Variants in INVS observed in about 807,000 individuals in gnomAD.
INVS encodes the protein inversin.
A neutral mutation model predicts 108.8 loss-of-function variants in INVS; 86 were observed. The ratio of observed to expected loss-of-function variants is 0.79; its 90% confidence interval spans 0.66 to 0.95. The LOEUF is 0.95. Among genes scored for constraint, INVS ranks in the 40% least tolerant of loss-of-function variants. INVS has a pLI of 0.00. For missense variants in INVS, 1,169 were observed against 1,297.4 expected, an observed-to-expected ratio of 0.90 and a Z score of 1.52; for synonymous variants, 455 against 473.5, an observed-to-expected ratio of 0.96 and a Z score of 0.51.
chr9:100,105,993 C>G (rs1479042203), intron 2 of INVS, among the ~76,000 whole-genome samples: 1 of 150,864 alleles, frequency 6.6e-6, no homozygotes, highest in Non-Finnish European at 1.5e-5. Flanking sequence ...TTACCCACTT[C>G]AAATAGGCAC....
intron 3 of INVS, among the ~76,000 whole-genome samples, chr9:100,167,964 T>C (rs1256115830): frequency 6.6e-6 from 1 of 152,086 alleles, no homozygotes; most frequent in Non-Finnish European, 1.5e-5. Context: ...ATACAATCCT[T>C]CCTCCCCACC....
At chr9:100,160,936 CA>C (rs1268433071) in intron 3 of INVS, among the ~76,000 whole-genome samples, 4 of 108,726 alleles carry the variant, frequency 3.7e-5, no homozygotes, top group Non-Finnish European at 6.7e-5. Context: ...GCCTGGGTGA[CA>C]GAGTGAGACT....
chr9:100,117,655 G>A (rs1257599990), intron 2 of INVS: 1 of 596,162 alleles, frequency 1.7e-6, no homozygotes, highest in Admixed American at 3.0e-5. Context: ...CAGCCATTTG[G>A]TGTTTTCTCG....
At position 100,264,812 on chromosome 9, in the gene INVS, A is replaced by G. The variant is rs764645300; in HGVS notation, c.1465-10A>G. On this transcript the variant is annotated splice_polypyrimidine_tract_variant and intron_variant, in intron 10 of 16. Transcript: ENST00000262457. ...CTCCAGATGTACTTGATTTTTGTTT[A>G]TGCTTATAGGGAAGAACAGCTTTGC... 6.3e-7 allele frequency: 1 copy of G among 1,594,292 alleles called. No homozygotes were observed. The highest frequency in any genetic ancestry group is 8.6e-7 in the Non-Finnish European group (1 of 1,161,838).
At chr9:100,208,279 TCACTGTGAGGATTTAGGCTACCA>T (rs1463396729) in intron 3 of INVS, among the ~76,000 whole-genome samples, 21 of 152,348 alleles carry the variant, frequency 1.4e-4, no homozygotes, top group South Asian at 6.2e-4. Flanking sequence ...ATTCAAGCAC[TCACTGTGAGGATTTAGGCTACCA>T]TTTTGAAAAT....
intron 3 of INVS, among the ~76,000 whole-genome samples, chr9:100,168,365 C>T (rs1376935997): frequency 1.3e-5 from 2 of 152,148 alleles, no homozygotes; most frequent in Non-Finnish European, 2.9e-5. Context: ...CAACGATCAG[C>T]CTGTCATAAT....
chr9:100,164,176 T>TA (rs1169829663), intron 3 of INVS, among the ~76,000 whole-genome samples: 1 of 152,232 alleles, frequency 6.6e-6, no homozygotes, highest in African/African-American at 2.4e-5. Context: ...GAAATGTGTA[T>TA]ACATTCTGGA....
intron 2 of INVS, chr9:100,117,141 C>G: frequency 8.0e-7 from 1 of 1,249,026 alleles, no homozygotes. Context: ...CCTCTGTGCA[C>G]GGGGACAATG....
At position 100,161,384 on chromosome 9, in the gene INVS, A is replaced by AC. The variant is rs1446328449; in HGVS notation, c.273+34835_273+34836insC. Among the ~76,000 whole-genome samples the AC allele has an allele frequency of 3.4e-4, 52 of 151,502 alleles. 5 individuals carry two copies. The highest frequency in any genetic ancestry group is 1.2e-3 in the African/African-American group (50 of 41,376). ...CATCTCAAAAAAAAAAAAAAAAAAA[A>AC]AAAAAAAACCTCATAAATTGAGTGT... On this transcript the variant is annotated intron_variant, in intron 3 of 16. Transcript: ENST00000262457.
intron 10 of INVS, among the ~76,000 whole-genome samples, chr9:100,262,945 C>T (rs1343446672): frequency 1.3e-5 from 2 of 152,050 alleles, no homozygotes; most frequent in African/African-American, 4.8e-5. Context: ...GAAGGGGTTT[C>T]ACCATGTTGC....
chr9:100,115,693 A>C (rs1827493608), intron 2 of INVS, among the ~76,000 whole-genome samples: 2 of 152,190 alleles, frequency 1.3e-5, no homozygotes, highest in Admixed American at 6.5e-5. Context: ...CCAGTCTGTC[A>C]TTATTGGACA....
At chr9:100,287,684 C>T (rs556885014) in intron 13 of INVS, among the ~76,000 whole-genome samples, 1 of 152,302 alleles carries the variant, frequency 6.6e-6, no homozygotes, top group South Asian at 2.1e-4. Flanking sequence ...GCTTGCTTCC[C>T]CTTTGCCTTC....
intron 3 of INVS, among the ~76,000 whole-genome samples, chr9:100,157,258 C>A (rs1408448119): frequency 5.0e-5 from 6 of 121,110 alleles, no homozygotes; most frequent in South Asian, 2.2e-4. Flanking sequence ...GTAAAAATTT[C>A]TTTTTTTTCT....
Position 100,229,674 on chromosome 9 carries a change from T to C in INVS, c.462T>C (p.His154=). The change falls in exon 5 of 17, where the codon CAT becomes CAC. Residue 154 remains histidine (H), a synonymous_variant. Coordinates refer to ENST00000262457, the MANE Select transcript of INVS (RefSeq NM_014425.5). ...CGATTTTGCAGCAAACAGCTCTGCA[T>C]TGGAGTGCCTACTACAATAACCCTG... is the stretch of plus-strand genomic sequence containing the variant. The part of the protein sequence containing the change: ...TQDKNKQTAL[H]WSAYYNNPEH... 1.2e-6 allele frequency: 2 copies of C among 1,614,076 alleles called. No homozygotes were observed. The highest frequency in any genetic ancestry group is 1.7e-6 in the Non-Finnish European group (2 of 1,179,962).
At chr9:100,101,098 CAG>C (rs1322855337) in intron 1 of INVS, among the ~76,000 whole-genome samples, 1 of 128,798 alleles carries the variant, frequency 7.8e-6, no homozygotes, top group Non-Finnish European at 1.6e-5. Flanking sequence ...ATATATAAAA[CAG>C]AGATCACATT....
At chr9:100,158,640 AG>A (rs1405036914) in intron 3 of INVS, among the ~76,000 whole-genome samples, 1 of 152,260 alleles carries the variant, frequency 6.6e-6, no homozygotes, top group Non-Finnish European at 1.5e-5. Context: ...ATTATCATCT[AG>A]TCCATGCTCT....
intron 2 of INVS, among the ~76,000 whole-genome samples, chr9:100,119,662 A>C (rs1827662707): frequency 6.6e-6 from 1 of 152,200 alleles, no homozygotes; most frequent in Admixed American, 6.5e-5. Context: ...GGTTCACGCC[A>C]TTCTCCTGCC....
intron 5 of INVS, 65 bp from the exon 6 acceptor site, chr9:100,239,995 T>C: frequency 7.0e-7 from 1 of 1,428,332 alleles, no homozygotes; most frequent in Non-Finnish European, 9.9e-7. Flanking sequence ...AAAAAAATAC[T>C]TACACCAAAT....
intron 3 of INVS, among the ~76,000 whole-genome samples, chr9:100,180,391 T>C (rs550118400): frequency 7.1e-6 from 1 of 141,362 alleles, no homozygotes; most frequent in Non-Finnish European, 1.6e-5. Flanking sequence ...CCCAGACTAA[T>C]AAAGAAGAAA....
Sources: allele counts gnomAD v4.1 joint callset (sites outside exome capture counted in the v4.1 genomes callset), GRCh38; gene constraint gnomAD v4.1.1; transcripts MANE v1.5; gene names NCBI Gene and HGNC (gene_info 2026-07-23, HGNC 2026-07-21).